MUSK: variants seen among roughly 807,000 people sequenced by gnomAD.
MUSK encodes muscle associated receptor tyrosine kinase, also known as muscle, skeletal receptor tyrosine-protein kinase.
MUSK carries 55 observed loss-of-function variants against 88.7 expected under a neutral mutation model. The ratio of observed to expected loss-of-function variants is 0.62; its 90% CI spans 0.50 to 0.78. The LOEUF (loss-of-function observed/expected upper bound fraction) is 0.78. Ranked by LOEUF, MUSK falls within the 30% of genes least tolerant of loss-of-function variation. The pLI, the probability that MUSK is intolerant of heterozygous loss-of-function variation, is 0.00. For synonymous variants in MUSK, 387 were observed against 391.9 expected (o/e 0.99, Z 0.15); for missense variants, 1,015 against 1,074.3 (o/e 0.94, Z 0.77).
In MUSK at chr9:110,804,507, G is replaced by T. The variant is rs559231081; in HGVS notation, c.*3519G>T. Among the ~76,000 whole-genome samples the T allele has an allele frequency of 6.6e-6, 1 of 152,050 alleles. No individual in the cohort carries two copies. The highest frequency in any genetic ancestry group is 2.1e-4 in the South Asian group (1 of 4,820). On this transcript the variant is annotated 3_prime_UTR_variant, in exon 15 of 15. Coordinates refer to ENST00000374448, the MANE Select transcript of MUSK (RefSeq NM_005592.4). ...TATTTTTTAAATTACTAGTCAGGTT[G>T]AATGTTTCTTGTTCCTAGGTCATTA...
At chr9:110,761,326 A>G (rs765313386) in intron 7 of MUSK, among the ~76,000 whole-genome samples, 3 of 152,028 alleles carry the variant, frequency 2.0e-5, no homozygotes, top group Non-Finnish European at 4.4e-5. Context: ...CAAAAACGGT[A>G]AGGATTTCAA....
intron 6 of MUSK, among the ~76,000 whole-genome samples, chr9:110,745,398 G>C (rs2077162558): frequency 6.6e-6 from 1 of 152,144 alleles, no homozygotes. Context: ...TTGCAGGAGG[G>C]AACTGTCTTT....
intron 6 of MUSK, among the ~76,000 whole-genome samples, chr9:110,738,330 T>C (rs184828438): frequency 2.0e-5 from 3 of 152,288 alleles, no homozygotes; most frequent in East Asian, 3.9e-4. Context: ...TTACTGTAAC[T>C]CTGATGTTAA....
intron 7 of MUSK, among the ~76,000 whole-genome samples, chr9:110,755,979 CATATATATATATAT>C (rs61338385): frequency 9.8e-6 from 1 of 102,518 alleles, no homozygotes; most frequent in Non-Finnish European, 2.0e-5. Context: ...TATATATATA[CATATATATATATAT>C]ATATGAATTT....
At chr9:110,672,303 G>T (rs2075968148) in intron 1 of MUSK, among the ~76,000 whole-genome samples, 1 of 152,186 alleles carries the variant, frequency 6.6e-6, no homozygotes, top group Non-Finnish European at 1.5e-5. Context: ...TGGAAAGAGG[G>T]CCTGAAAGGA....
At position 110,800,719 on chromosome 9, in the gene MUSK, A is replaced by G; in HGVS notation, c.2341A>G (p.Thr781Ala). The stretch of plus-strand genomic sequence containing the variant: ...GTCCATTTTTTATAACCGCTACACT[A>G]CAGAGTCTGATGTGTGGGCCTATGG... ...PESIFYNRYTTESDVWAYGVV... is the reference protein window; with the variant it reads ...PESIFYNRYTAESDVWAYGVV... Residue 781 changes from threonine to alanine, a missense_variant, in exon 15 of 15, where the codon ACA (threonine) becomes GCA (alanine). Thr to Ala is a moderately conservative substitution (Grantham distance 58). Transcript: ENST00000374448. The G allele has an allele frequency of 6.2e-7, 1 of 1,613,906 alleles. No homozygotes were observed. The highest frequency in any genetic ancestry group is 8.5e-7 in the Non-Finnish European group (1 of 1,179,866).
chr9:110,689,478 A>T (rs2076257740), intron 3 of MUSK, among the ~76,000 whole-genome samples: 1 of 110,284 alleles, frequency 9.1e-6, no homozygotes, highest in Non-Finnish European at 1.6e-5. Context: ...TATGTAAAAA[A>T]TATAAAAATA....
intron 8 of MUSK, among the ~76,000 whole-genome samples, 170 bp downstream of exon 8, chr9:110,762,378 A>C (rs2077415192): frequency 6.6e-6 from 1 of 152,100 alleles, no homozygotes; most frequent in Non-Finnish European, 1.5e-5. Context: ...CTATTTGCTG[A>C]GCACTGTAAC....
At chr9:110,716,518 T>C (rs1442504126) in intron 5 of MUSK, among the ~76,000 whole-genome samples, 1 of 150,204 alleles carries the variant, frequency 6.7e-6, no homozygotes, top group African/African-American at 2.5e-5. Context: ...AACATTATAT[T>C]TTAATTTTCT....
intron 11 of MUSK, among the ~76,000 whole-genome samples, chr9:110,782,000 G>A (rs182458365): frequency 2.0e-4 from 30 of 152,254 alleles, no homozygotes; most frequent in African/African-American, 5.5e-4. Flanking sequence ...AGCCCTGAAC[G>A]AGACTCACAA....
In MUSK at chr9:110,691,815, T is replaced by G. The variant is rs139369936; in HGVS notation, c.359-3588T>G. Among the ~76,000 whole-genome samples the G allele has an allele frequency of 3.0e-4, 45 of 152,280 alleles. No homozygotes were observed. In the East Asian group the frequency reaches 8.7e-3, roughly 29 times the overall value. On this transcript the variant is annotated intron_variant, in intron 3 of 14. Coordinates refer to ENST00000374448, the MANE Select transcript of MUSK (RefSeq NM_005592.4). ...TGGAGGAAATCATTAGGTACTTTTT[T>G]CAGAGTGTGAAGATGTAAAATATTT...
At position 110,734,345 on chromosome 9, in the gene MUSK, C is replaced by A. The variant is rs1220706703; in HGVS notation, c.723C>A (p.Pro241=). The A allele has an allele frequency of 6.2e-7, 1 of 1,613,120 alleles. No individual in the cohort carries two copies. Among genetic ancestry groups the A allele is most frequent in the Non-Finnish European group, 8.5e-7 (1 of 1,179,472 alleles). ...LHCTATGIPV[P]TITWIENGNA... ...GTACAGCAACAGGCATTCCTGTCCC[C>A]ACCATCACCTGGATTGAAAACGGAA... is the stretch of plus-strand genomic sequence containing the variant. The change falls in exon 6 of 15, where the codon CCC becomes CCA. Residue 241 remains proline (P), a synonymous_variant. Coordinates refer to ENST00000374448, the MANE Select transcript of MUSK (RefSeq NM_005592.4).
chr9:110,760,625 A>G (rs113438212), intron 7 of MUSK, among the ~76,000 whole-genome samples: 199 of 152,242 alleles, frequency 1.3e-3, no homozygotes, highest in African/African-American at 4.6e-3. Flanking sequence ...TTCGGGCACT[A>G]TGGTTAGTAC....
intron 5 of MUSK, chr9:110,706,310 C>A: frequency 3.3e-6 from 1 of 300,010 alleles, no homozygotes; most frequent in Non-Finnish European, 6.6e-6. Context: ...GCCACCTAGC[C>A]TTTTTCCCTC....
chr9:110,729,088 T>A (rs2076927810), intron 5 of MUSK, among the ~76,000 whole-genome samples: 2 of 151,748 alleles, frequency 1.3e-5, no homozygotes, highest in South Asian at 4.1e-4. Context: ...GGCTTTACAG[T>A]CTTTGGATAA....
At position 110,806,473 on chromosome 9, in the gene MUSK, A is replaced by G. The variant is rs1304621562; in HGVS notation, c.*5485A>G. Among the ~76,000 whole-genome samples the G allele has an allele frequency of 6.6e-6, 1 of 152,174 alleles. No individual in the cohort carries two copies. Among genetic ancestry groups the G allele is most frequent in the Non-Finnish European group, 1.5e-5 (1 of 68,022 alleles). ...TGTAATATTTGCATTTTGTTCTGGAACAAATTAAGATTTAGGTGCTTTGAC... is the reference window on the plus strand; with the variant it reads ...TGTAATATTTGCATTTTGTTCTGGAGCAAATTAAGATTTAGGTGCTTTGAC... On this transcript the variant is annotated 3_prime_UTR_variant, in exon 15 of 15. Transcript: ENST00000374448.
intron 14 of MUSK, among the ~76,000 whole-genome samples, chr9:110,791,160 C>A (rs1035169092): frequency 6.6e-6 from 1 of 151,218 alleles, no homozygotes; most frequent in African/African-American, 2.4e-5. Flanking sequence ...GCGTGAGCGA[C>A]GCAGAAGACG....
At chr9:110,676,367 A>ATATTATG (rs2076030460) in intron 1 of MUSK, among the ~76,000 whole-genome samples, 1 of 149,674 alleles carries the variant, frequency 6.7e-6, no homozygotes, top group African/African-American at 2.5e-5. Context: ...TATATATTAT[A>ATATTATG]TATGTGTGTG....
chr9:110,703,295 G>C (rs1370775579), intron 5 of MUSK, among the ~76,000 whole-genome samples: 3 of 152,140 alleles, frequency 2.0e-5, no homozygotes. Context: ...CCAGAACTTT[G>C]GGAGGCCAAG....
Sources: gnomAD v4.1 joint callset for allele counts (sites outside exome capture counted in the v4.1 genomes callset) on GRCh38, gnomAD v4.1.1 for gene constraint, MANE v1.5 for transcripts, NCBI Gene and HGNC (gene_info 2026-07-23, HGNC 2026-07-21) for gene names.